The following PTPRK variants were observed in gnomAD, a reference collection of about 807,000 sequenced individuals.
PTPRK encodes protein tyrosine phosphatase receptor type K, also known as receptor-type tyrosine-protein phosphatase kappa.
A neutral mutation model predicts 178.0 loss-of-function variants in PTPRK; 75 were observed. The observed-to-expected ratio is 0.42, with a 90% CI of 0.35 to 0.51. PTPRK has a LOEUF of 0.51. PTPRK is among the 20% of genes least tolerant of loss of function. PTPRK has a pLI of 0.02. For missense variants in PTPRK, 1,441 were observed against 1,797.8 expected (o/e 0.80, Z 3.59); for synonymous variants, 637 against 620.6 (o/e 1.03, Z -0.39).
chr6:128,090,087 C>G (rs954434619), intron 7 of PTPRK, 95 bp from the exon 8 acceptor site: 2 of 982,782 alleles, frequency 2.0e-6, no homozygotes, highest in African/African-American at 3.3e-5. Flanking sequence ...ATATGCAAAT[C>G]TAGAAAATGT....
chr6:128,307,512 T>C (rs1826604007), intron 3 of PTPRK, among the ~76,000 whole-genome samples: 1 of 150,176 alleles, frequency 6.7e-6, no homozygotes, highest in African/African-American at 2.4e-5. Context: ...AGGCTTTTTG[T>C]CCAAAGAACT....
chr6:128,202,628 G>A (rs77811060), intron 6 of PTPRK, among the ~76,000 whole-genome samples: 2,671 of 152,202 alleles, frequency 0.018, 41 homozygotes, highest in Non-Finnish European at 0.024. Flanking sequence ...GACAGGCTCC[G>A]TCCACCTAAG....
intron 5 of PTPRK, among the ~76,000 whole-genome samples, chr6:128,239,042 T>C (rs887761930): frequency 3.3e-5 from 5 of 150,998 alleles, no homozygotes; most frequent in East Asian, 3.9e-4. Flanking sequence ...CTAATAGTTA[T>C]CCCCAACACT....
chr6:128,099,924 T>A (rs1169971716), intron 7 of PTPRK, among the ~76,000 whole-genome samples: 3 of 152,028 alleles, frequency 2.0e-5, no homozygotes, highest in Admixed American at 2.0e-4. Flanking sequence ...GCTGCAGAAA[T>A]CCCTGTACAT....
At chr6:128,476,571 C>T (rs1025138045) in intron 1 of PTPRK, among the ~76,000 whole-genome samples, 1 of 152,036 alleles carries the variant, frequency 6.6e-6, no homozygotes, top group East Asian at 1.9e-4. Context: ...ATAAACAATA[C>T]ACTGGAGAAT....
At chr6:128,238,208 G>GA (rs762121535) in intron 5 of PTPRK, 3,933 of 245,350 alleles carry the variant, frequency 0.016, no homozygotes, top group East Asian at 0.026. Flanking sequence ...AAAAAGAAAA[G>GA]AAAAAAAAAA....
At chr6:128,212,507 G>A (rs1329448198) in intron 6 of PTPRK, among the ~76,000 whole-genome samples, 1 of 151,952 alleles carries the variant, frequency 6.6e-6, no homozygotes, top group Non-Finnish European at 1.5e-5. Context: ...GACGGAAATG[G>A]GTCCAAATTA....
In PTPRK at chr6:128,043,581, C is replaced by A. The variant is rs575425180; in HGVS notation, c.2194+21177G>T. 3.3e-5 allele frequency among the ~76,000 whole-genome samples: 5 copies of A among 151,754 alleles called. No individual in the cohort carries two copies. In the East Asian group the frequency reaches 9.6e-4, roughly 29 times the overall value. Reference sequence around the variant, plus strand: ...GAAAAGAAGTGTTCTAAATTTGAAACCAAAGGTTAAGAAAGATGGTTGCAT... The same window carrying A: ...GAAAAGAAGTGTTCTAAATTTGAAAACAAAGGTTAAGAAAGATGGTTGCAT... On this transcript the variant is annotated intron_variant, in intron 13 of 29. Coordinates refer to ENST00000368226, the MANE Select transcript of PTPRK (RefSeq NM_002844.4).
intron 6 of PTPRK, among the ~76,000 whole-genome samples, chr6:128,217,882 C>T (rs1160612244): frequency 6.6e-6 from 1 of 152,202 alleles, no homozygotes. Context: ...AAGTCTCTCA[C>T]ACTTCTCCTC....
At chr6:128,285,341 C>G (rs112147471) in intron 3 of PTPRK, among the ~76,000 whole-genome samples, 3,168 of 146,126 alleles carry the variant, frequency 0.022, 104 homozygotes, top group African/African-American at 0.076. Context: ...ATGGTGAAAC[C>G]CTGTCTCTAC....
intron 2 of PTPRK, among the ~76,000 whole-genome samples, chr6:128,338,792 GA>G (rs1228044492): frequency 6.6e-6 from 1 of 152,100 alleles, no homozygotes; most frequent in Middle Eastern, 3.2e-3. Flanking sequence ...AAGGATGGCT[GA>G]AAAGGTGAGT....
At chr6:128,235,055 G>C (rs1812977746) in intron 5 of PTPRK, among the ~76,000 whole-genome samples, 1 of 151,884 alleles carries the variant, frequency 6.6e-6, no homozygotes, top group Non-Finnish European at 1.5e-5. Flanking sequence ...TCAAGGTTAC[G>C]GATACATCAA....
intron 3 of PTPRK, among the ~76,000 whole-genome samples, chr6:128,293,224 A>G (rs1330878370): frequency 6.6e-6 from 1 of 152,092 alleles, no homozygotes; most frequent in Non-Finnish European, 1.5e-5. Context: ...AATTTAAAAC[A>G]AATTTATTTC....
intron 8 of PTPRK, chr6:128,084,795 T>C (rs1260540722): frequency 6.6e-6 from 1 of 152,232 alleles, no homozygotes; most frequent in African/African-American, 2.4e-5. Context: ...TTAAAATATA[T>C]AGTATCTATC....
intron 1 of PTPRK, among the ~76,000 whole-genome samples, chr6:128,425,859 T>C (rs902075296): frequency 6.6e-6 from 1 of 152,216 alleles, no homozygotes; most frequent in Non-Finnish European, 1.5e-5. Context: ...CATTTCCCAA[T>C]AAGCATCGGC....
intron 7 of PTPRK, among the ~76,000 whole-genome samples, chr6:128,097,329 A>C (rs1013552498): frequency 6.6e-6 from 1 of 152,202 alleles, no homozygotes; most frequent in Non-Finnish European, 1.5e-5. Context: ...CACACTAAGC[A>C]CATCATCAAT....
intron 7 of PTPRK, among the ~76,000 whole-genome samples, chr6:128,120,048 G>GA (rs1356343822): frequency 6.6e-6 from 1 of 151,750 alleles, no homozygotes; most frequent in Non-Finnish European, 1.5e-5. Flanking sequence ...AATGAAATCT[G>GA]AAAAAAAGTT....
intron 7 of PTPRK, among the ~76,000 whole-genome samples, chr6:128,161,050 C>T (rs906088509): frequency 6.6e-6 from 1 of 151,534 alleles, no homozygotes; most frequent in African/African-American, 2.4e-5. Flanking sequence ...TTCTCTTCCA[C>T]CTCTATTCTT....
intron 1 of PTPRK, among the ~76,000 whole-genome samples, chr6:128,410,078 A>G (rs1193697922): frequency 6.6e-6 from 1 of 152,250 alleles, no homozygotes; most frequent in Non-Finnish European, 1.5e-5. Flanking sequence ...GGTTATTACC[A>G]TAGATTTTAC....
Sources: allele counts gnomAD v4.1 joint callset (sites outside exome capture counted in the v4.1 genomes callset), GRCh38; gene constraint gnomAD v4.1.1; transcripts MANE v1.5; gene names NCBI Gene and HGNC (gene_info 2026-07-23, HGNC 2026-07-21).